The following NRCAM variants were observed in gnomAD, a reference collection of about 807,000 sequenced individuals.
NRCAM encodes NgCAM-related cell adhesion molecule.
Under a neutral mutation model 156.5 loss-of-function variants are expected in NRCAM, and 83 were observed. The observed-to-expected ratio is 0.53, with a 90% CI of 0.44 to 0.64. NRCAM has a LOEUF of 0.64. Among genes scored for constraint, NRCAM ranks in the 30% least tolerant of loss-of-function variants. NRCAM has a pLI of 0.00. For synonymous variants in NRCAM, 538 were observed against 563.9 expected, an observed-to-expected ratio of 0.95 and a Z score of 0.65; for missense variants, 1,417 against 1,597.3, an observed-to-expected ratio of 0.89 and a Z score of 1.92.
At chr7:108,363,309 T>C (rs372131067) in intron 2 of NRCAM, among the ~76,000 whole-genome samples, 2 of 152,292 alleles carry the variant, frequency 1.3e-5, no homozygotes, top group South Asian at 2.1e-4. Flanking sequence ...GTTCTCACTC[T>C]GTTGCTCAGG....
At chr7:108,215,314 G>A (rs1379287486) in intron 11 of NRCAM, among the ~76,000 whole-genome samples, 2 of 150,282 alleles carry the variant, frequency 1.3e-5, no homozygotes, top group African/African-American at 2.5e-5. Context: ...CTGGGTTCAC[G>A]CCATTCTCCT....
At chr7:108,233,866 C>T (rs1276783282) in intron 6 of NRCAM, among the ~76,000 whole-genome samples, 8 of 152,226 alleles carry the variant, frequency 5.3e-5, no homozygotes, top group South Asian at 2.1e-4. Context: ...ACAGATCATC[C>T]GCTGTGGGGC....
At chr7:108,456,649 AG>A (rs1265752667), upstream of NRCAM, 2 of 151,976 alleles carry the variant, frequency 1.3e-5, no homozygotes, top group Admixed American at 1.3e-4. Context: ...CGGCGCCTCG[AG>A]GGACTGGGTG....
At chr7:108,177,899 T>A in intron 26 of NRCAM, 91 bp downstream of exon 26, 4 of 1,173,584 alleles carry the variant, frequency 3.4e-6, no homozygotes, top group Non-Finnish European at 4.7e-6. Context: ...CATCACTACG[T>A]ACCCCATGAG....
At chr7:108,167,235 A>C (rs1389869035) in intron 29 of NRCAM, among the ~76,000 whole-genome samples, 162 bp from the exon 30 acceptor site, 7 of 152,248 alleles carry the variant, frequency 4.6e-5, no homozygotes, top group African/African-American at 7.2e-5. Context: ...CAAACAAATC[A>C]ATTAAAATGA....
intron 2 of NRCAM, among the ~76,000 whole-genome samples, chr7:108,347,839 G>A (rs1373504489): frequency 6.6e-6 from 1 of 152,134 alleles, no homozygotes; most frequent in East Asian, 1.9e-4. Context: ...CTTTGGTTGA[G>A]CTCAGACTCT....
chr7:108,375,800 T>C (rs754762578), intron 2 of NRCAM, among the ~76,000 whole-genome samples: 76 of 152,276 alleles, frequency 5.0e-4, no homozygotes, highest in South Asian at 1.0e-3. Flanking sequence ...ACATGTGAAG[T>C]TTAAAAAATG....
chr7:108,164,120 A>G (rs191081614), intron 30 of NRCAM, among the ~76,000 whole-genome samples: 57 of 83,226 alleles, frequency 6.8e-4, no homozygotes, highest in Middle Eastern at 6.8e-3. Flanking sequence ...GGGTGGGGTA[A>G]TGAGAGGTCA....
At chr7:108,155,543 C>G (rs2044817515) in intron 32 of NRCAM, among the ~76,000 whole-genome samples, 1 of 152,074 alleles carries the variant, frequency 6.6e-6, no homozygotes, top group Admixed American at 6.6e-5. Context: ...TCCTATGCTG[C>G]CCACCTGGCT....
intron 2 of NRCAM, among the ~76,000 whole-genome samples, chr7:108,380,648 C>G (rs1031776727): frequency 1.3e-5 from 2 of 152,084 alleles, no homozygotes; most frequent in Non-Finnish European, 2.9e-5. Context: ...CTGCTTCTTG[C>G]TCTTGGGGTC....
At chr7:108,177,845 T>C (rs2061528490) in intron 26 of NRCAM, 145 bp downstream of exon 26, 1 of 561,996 alleles carries the variant, frequency 1.8e-6, no homozygotes, top group African/African-American at 1.9e-5. Flanking sequence ...TTTGAGAAGA[T>C]GAATATGCGA....
chr7:108,282,535 A>G (rs2097901286), intron 3 of NRCAM, among the ~76,000 whole-genome samples: 1 of 152,198 alleles, frequency 6.6e-6, no homozygotes, highest in South Asian at 2.1e-4. Context: ...TCAAAATTTT[A>G]GTGTAAAATC....
intron 3 of NRCAM, among the ~76,000 whole-genome samples, chr7:108,280,798 C>T (rs1238585360): frequency 6.6e-6 from 1 of 151,528 alleles, no homozygotes; most frequent in East Asian, 1.9e-4. Context: ...ATATAATAAG[C>T]TGGGTTTTAG....
At chr7:108,213,785 C>A (rs1455108766) in intron 11 of NRCAM, among the ~76,000 whole-genome samples, 2 of 151,970 alleles carry the variant, frequency 1.3e-5, no homozygotes, top group Admixed American at 6.6e-5. Flanking sequence ...TACTAATAGT[C>A]CTGAGAGTTT....
At chr7:108,365,481 T>C (rs946330944) in intron 2 of NRCAM, among the ~76,000 whole-genome samples, 73 of 152,322 alleles carry the variant, frequency 4.8e-4, no homozygotes, top group African/African-American at 1.6e-3. Flanking sequence ...AATGATAAAA[T>C]TGGGCTAATC....
chr7:108,427,426 T>C (rs1268406279), intron 1 of NRCAM, among the ~76,000 whole-genome samples: 1 of 152,232 alleles, frequency 6.6e-6, no homozygotes, highest in Non-Finnish European at 1.5e-5. Flanking sequence ...TAAATATTTA[T>C]TGAATTTAGT....
intron 3 of NRCAM, among the ~76,000 whole-genome samples, chr7:108,306,292 G>A (rs1367842319): frequency 1.3e-5 from 2 of 152,090 alleles, no homozygotes; most frequent in South Asian, 2.1e-4. Flanking sequence ...GGCTTCATAC[G>A]ATAATTTTTT....
chr7:108,241,854 T>C (rs967402333), intron 3 of NRCAM, among the ~76,000 whole-genome samples: 3 of 152,168 alleles, frequency 2.0e-5, no homozygotes, highest in Admixed American at 6.6e-5. Flanking sequence ...ATCATGTCTC[T>C]GTGTGGAATA....
intron 1 of NRCAM, among the ~76,000 whole-genome samples, chr7:108,401,555 C>A (rs1404789848): frequency 1.3e-5 from 2 of 152,064 alleles, no homozygotes; most frequent in Non-Finnish European, 2.9e-5. Context: ...ACAAAAACAA[C>A]AGAAAATAGT....
Sources: gnomAD v4.1 joint callset for allele counts (sites outside exome capture counted in the v4.1 genomes callset) on GRCh38, gnomAD v4.1.1 for gene constraint, MANE v1.5 for transcripts, NCBI Gene and HGNC (gene_info 2026-07-23, HGNC 2026-07-21) for gene names.